PRKCQ: variants seen among roughly 807,000 people sequenced by gnomAD.
PRKCQ encodes protein kinase C theta.
A neutral mutation model predicts 91.2 loss-of-function variants in PRKCQ; 41 were observed. That is an observed-to-expected ratio of 0.45 (90% confidence interval 0.35 to 0.58). The LOEUF is 0.58. PRKCQ is among the 20% of genes least tolerant of loss of function. The probability of loss-of-function intolerance (pLI) is 0.00; values close to 1 mark genes in which losing one functional copy is unlikely to be tolerated. For missense variants in PRKCQ, 673 were observed against 896.5 expected, an observed-to-expected ratio of 0.75 and a Z score of 3.18; for synonymous variants, 307 against 316.9, an observed-to-expected ratio of 0.97 and a Z score of 0.33.
At chr10:6,431,041 T>C (rs1833393796) in intron 16 of PRKCQ, 103 bp from the exon 17 acceptor site, 2 of 1,404,618 alleles carry the variant, frequency 1.4e-6, no homozygotes, top group East Asian at 4.9e-5. Flanking sequence ...TTTTCTAACC[T>C]CATTTTTCTA....
At chr10:6,493,470 G>A (rs634492) in intron 7 of PRKCQ, among the ~76,000 whole-genome samples, 41,693 of 152,050 alleles carry the variant, frequency 0.27, 7,106 homozygotes, top group South Asian at 0.44. Context: ...GGACAATACT[G>A]CTCCAGGGGT....
downstream of PRKCQ, among the ~76,000 whole-genome samples, chr10:6,422,904 G>C (rs1300709213): frequency 6.6e-6 from 1 of 152,210 alleles, no homozygotes; most frequent in Non-Finnish European, 1.5e-5. Flanking sequence ...ACCCCCTGGT[G>C]GGAGTTGCTG....
chr10:6,425,789 T>C (rs1172200804), downstream of PRKCQ, among the ~76,000 whole-genome samples: 4 of 152,180 alleles, frequency 2.6e-5, no homozygotes, highest in Non-Finnish European at 5.9e-5. Context: ...ACTCTGTCTC[T>C]AATTCAAAAA....
At chr10:6,568,453 G>T (rs1374605621) in intron 1 of PRKCQ, among the ~76,000 whole-genome samples, 1 of 149,300 alleles carries the variant, frequency 6.7e-6, no homozygotes, top group Non-Finnish European at 1.5e-5. Context: ...GAATATTTTT[G>T]AATATTTTAA....
intron 16 of PRKCQ, among the ~76,000 whole-genome samples, chr10:6,437,835 A>G (rs1564293624): frequency 6.6e-6 from 1 of 151,870 alleles, no homozygotes; most frequent in African/African-American, 2.4e-5. Context: ...TTGTATTTTT[A>G]GTAGAGATGG....
the PRKCQ span, among the ~76,000 whole-genome samples, chr10:6,418,596 C>T: frequency 6.6e-6 from 1 of 152,202 alleles, no homozygotes; most frequent in Non-Finnish European, 1.5e-5. Flanking sequence ...TGCTCCTTTC[C>T]ACCCAAACTC....
chr10:6,510,539 G>A (rs1838418129), intron 3 of PRKCQ, among the ~76,000 whole-genome samples: 1 of 152,196 alleles, frequency 6.6e-6, no homozygotes, highest in South Asian at 2.1e-4. Context: ...AACGTGTTCT[G>A]AGTCTACTGG....
chr10:6,558,665 G>C (rs1840511094), intron 1 of PRKCQ, among the ~76,000 whole-genome samples: 1 of 152,216 alleles, frequency 6.6e-6, no homozygotes, highest in African/African-American at 2.4e-5. Flanking sequence ...ATCACAGCAT[G>C]CTGGAATATC....
chr10:6,413,536 T>TGC, the PRKCQ span, among the ~76,000 whole-genome samples: 33 of 111,596 alleles, frequency 3.0e-4, no homozygotes, highest in Non-Finnish European at 4.0e-4. Flanking sequence ...ATGCCACTTG[T>TGC]GCACACACAC....
At chr10:6,480,778 C>G (rs1836553314) in intron 11 of PRKCQ, among the ~76,000 whole-genome samples, 1 of 152,216 alleles carries the variant, frequency 6.6e-6, no homozygotes, top group South Asian at 2.1e-4. Flanking sequence ...GATGTGACAA[C>G]AGCCCTGAAC....
intron 2 of PRKCQ, among the ~76,000 whole-genome samples, chr10:6,513,276 T>G (rs1588364224): frequency 6.6e-6 from 1 of 152,208 alleles, no homozygotes; most frequent in East Asian, 1.9e-4. Flanking sequence ...AATGATAATA[T>G]TCAGAGTGAT....
intron 2 of PRKCQ, among the ~76,000 whole-genome samples, chr10:6,512,329 C>A (rs527456150): frequency 1.3e-5 from 2 of 152,310 alleles, no homozygotes; most frequent in Middle Eastern, 3.4e-3. Context: ...ATGGAGCCAG[C>A]AAGGCTGAAG....
chr10:6,406,636 A>G, the PRKCQ span, among the ~76,000 whole-genome samples: 4 of 152,198 alleles, frequency 2.6e-5, no homozygotes, highest in Non-Finnish European at 4.4e-5. Context: ...ATTTTTATAG[A>G]CACAAAACAG....
the PRKCQ span, among the ~76,000 whole-genome samples, chr10:6,400,424 C>T: frequency 6.6e-6 from 1 of 152,142 alleles, no homozygotes; most frequent in Admixed American, 6.5e-5. Context: ...GTACCAACCT[C>T]GCTGTGTTGT....
At chr10:6,553,512 A>ATAAAT (rs375879407) in intron 1 of PRKCQ, among the ~76,000 whole-genome samples, 2,286 of 140,852 alleles carry the variant, frequency 0.016, 89 homozygotes, top group Admixed American at 0.032. Flanking sequence ...AAAAAAAAAA[A>ATAAAT]AAAAACAAAC....
chr10:6,403,673 T>A, the PRKCQ span, among the ~76,000 whole-genome samples: 1 of 152,192 alleles, frequency 6.6e-6, no homozygotes, highest in Non-Finnish European at 1.5e-5. Context: ...ACGCACCTCT[T>A]ATTATTGTGT....
Position 6,428,094 on chromosome 10 carries a change from T to C in PRKCQ, c.*113A>G. 1.0e-5 allele frequency: 14 copies of C among 1,390,380 alleles called. No individual in the cohort carries two copies. Among genetic ancestry groups the C allele is most frequent in the Non-Finnish European group, 1.4e-5 (14 of 998,316 alleles). 86.1% of individuals were successfully genotyped at this position (1,390,380 alleles called of 1,614,324 possible). Reference sequence around the variant, plus strand: ...ATGGGGGCGAACGGGTCTCAGTCTTTATTGTTGAGTGTTTCTTTCTTTTTC... The same window carrying C: ...ATGGGGGCGAACGGGTCTCAGTCTTCATTGTTGAGTGTTTCTTTCTTTTTC... On this transcript the variant is annotated 3_prime_UTR_variant, in exon 18 of 18. Coordinates refer to ENST00000263125, the MANE Select transcript of PRKCQ (RefSeq NM_006257.5).
At chr10:6,579,544 A>G (rs773730144) in intron 1 of PRKCQ, among the ~76,000 whole-genome samples, 1 of 152,152 alleles carries the variant, frequency 6.6e-6, no homozygotes, top group Non-Finnish European at 1.5e-5. Context: ...CGAAAATCCA[A>G]TACCACAAAG....
At chr10:6,507,627 T>C in intron 3 of PRKCQ, 131 bp from the exon 4 acceptor site, 1 of 780,222 alleles carries the variant, frequency 1.3e-6, no homozygotes, top group Non-Finnish European at 2.2e-6. Flanking sequence ...TCCACTGTAC[T>C]CAAACTCATT....
Sources: gnomAD v4.1 joint callset for allele counts (sites outside exome capture counted in the v4.1 genomes callset) on GRCh38, gnomAD v4.1.1 for gene constraint, MANE v1.5 for transcripts, NCBI Gene and HGNC (gene_info 2026-07-23, HGNC 2026-07-21) for gene names.